CTPS2: variants seen among roughly 807,000 people sequenced by gnomAD.
The protein encoded by CTPS2 is CTP synthase 2, also known as CTP synthase II.
CTPS2 carries 19 observed loss-of-function variants against 46.8 expected under a neutral mutation model. That is an observed-to-expected ratio of 0.41 (90% CI 0.28 to 0.60). The LOEUF is 0.60. Ranked by LOEUF, CTPS2 falls within the 20% of genes least tolerant of loss-of-function variation. The probability of loss-of-function intolerance (pLI) is 0.35; values close to 1 mark genes in which losing one functional copy is unlikely to be tolerated. For synonymous variants in CTPS2, 151 were observed against 165.2 expected (o/e 0.91, Z 0.66); for missense variants, 286 against 447.6 (o/e 0.64, Z 3.26).
At chrX:16,711,137 C>T (rs1360072706) in intron 1 of CTPS2, among the ~76,000 whole-genome samples, 1 of 111,886 alleles carries the variant, frequency 8.9e-6, no homozygotes, top group Non-Finnish European at 1.9e-5. Flanking sequence ...ATTACACAGC[C>T]AGGTACGTAA....
rs1386071130 is a variant in CTPS2 at position 16,707,667 on chromosome X, TC to T, written c.-40+4667del. On this transcript the variant is annotated intron_variant, in intron 1 of 18. Coordinates refer to ENST00000359276, the MANE Select transcript of CTPS2 (RefSeq NM_175859.3). Reference sequence around the variant, plus strand: ...CTCCAGCCTGGGTGACAAAGCAAGATCCTGTCTCAAAAATAAAAAGAGAGAC... The same window carrying T: ...CTCCAGCCTGGGTGACAAAGCAAGATCTGTCTCAAAAATAAAAAGAGAGAC... Among the ~76,000 whole-genome samples, 5 of 111,179 alleles carry T rather than the reference TC, an allele frequency of 4.5e-5. No homozygotes were observed. In the South Asian group the frequency reaches 1.1e-3, roughly 25 times the overall value.
chrX:16,693,355 T>C lies in CTPS2; in HGVS notation c.555+16A>G. The C allele has an allele frequency of 1.8e-6, 2 of 1,141,047 alleles. No homozygotes were observed. The highest frequency in any genetic ancestry group is 2.4e-6 in the Non-Finnish European group (2 of 831,486). 94.0% of individuals were successfully genotyped at this position (1,141,047 alleles called of 1,213,427 possible). On this transcript the variant is annotated intron_variant, in intron 5 of 18. Coordinates refer to ENST00000359276, the MANE Select transcript of CTPS2 (RefSeq NM_175859.3). ...TTATCAAAGTTGCTGTCCACATACT[T>C]ATCTGGAAAGCCCACCTGTGGGACA...
At chrX:16,651,022 T>C in intron 13 of CTPS2, 1 of 1,206,148 alleles carries the variant, frequency 8.3e-7, no homozygotes, top group Non-Finnish European at 1.1e-6. Flanking sequence ...TACTAAAAAG[T>C]CTCCTGAGGA....
intron 14 of CTPS2, 118 bp downstream of exon 14, chrX:16,639,029 G>A (rs1224984474): frequency 5.3e-6 from 3 of 569,947 alleles, no homozygotes; most frequent in Non-Finnish European, 3.1e-6. Flanking sequence ...AGAGAATCAG[G>A]GCCCTCCGAG....
chrX:16,652,471 TAGA>T (rs908865002), intron 13 of CTPS2, among the ~76,000 whole-genome samples: 6 of 112,281 alleles, frequency 5.3e-5, no homozygotes, highest in African/African-American at 1.9e-4. Flanking sequence ...AGTTGAAATA[TAGA>T]AGAACTTGTA....
intron 13 of CTPS2, among the ~76,000 whole-genome samples, chrX:16,652,379 G>T (rs1932686679): frequency 9.0e-6 from 1 of 111,591 alleles, no homozygotes; most frequent in Non-Finnish European, 1.9e-5. Flanking sequence ...ATGACAATTG[G>T]AAAGACTTCT....
At chrX:16,631,386 G>A (rs1435602610) in intron 14 of CTPS2, among the ~76,000 whole-genome samples, 2 of 110,504 alleles carry the variant, frequency 1.8e-5, no homozygotes, top group Non-Finnish European at 3.8e-5. Flanking sequence ...AGGCGTGGTG[G>A]CATGTGGCTG....
intron 13 of CTPS2, chrX:16,651,171 T>C: frequency 2.4e-6 from 1 of 418,484 alleles, no homozygotes; most frequent in Non-Finnish European, 4.1e-6. Context: ...GCCCACTTAA[T>C]GGGACTGATG....
intron 13 of CTPS2, among the ~76,000 whole-genome samples, chrX:16,666,756 C>A (rs1190908273): frequency 1.8e-5 from 2 of 111,582 alleles, no homozygotes; most frequent in Non-Finnish European, 3.8e-5. Context: ...TGGGACCCAG[C>A]CCAGAATCCT....
At position 16,625,429 on chromosome X, in the gene CTPS2, G is replaced by A. The variant is rs150460302; in HGVS notation, c.1394-5097C>T. Among the ~76,000 whole-genome samples the A allele has an allele frequency of 6.2e-5, 7 of 112,044 alleles. No homozygotes were observed. In the East Asian group the frequency reaches 1.4e-3, roughly 23 times the overall value. ...TGTGCACTCAAATCCCTTATGGGAG[G>A]GGGAGCACACAGACGGGCAGGTGCA... On this transcript the variant is annotated intron_variant, in intron 14 of 18. Coordinates refer to ENST00000359276, the MANE Select transcript of CTPS2 (RefSeq NM_175859.3).
At chrX:16,688,392 T>A (rs1923417075) in intron 8 of CTPS2, among the ~76,000 whole-genome samples, 1 of 103,457 alleles carries the variant, frequency 9.7e-6, no homozygotes, top group Admixed American at 1.1e-4. Context: ...ACAGTGACAC[T>A]CCATCTCAAA....
intron 14 of CTPS2, among the ~76,000 whole-genome samples, chrX:16,629,848 T>C (rs1277433394): frequency 8.9e-6 from 1 of 112,443 alleles, no homozygotes; most frequent in East Asian, 2.8e-4. Flanking sequence ...GCCTCGTGCC[T>C]CTGTTCTTTC....
chrX:16,646,404 A>G (rs748628791), intron 13 of CTPS2, among the ~76,000 whole-genome samples: 1 of 112,593 alleles, frequency 8.9e-6, no homozygotes, highest in Non-Finnish European at 1.9e-5. Context: ...TTGGGTGCCT[A>G]GGTCAGCACA....
intron 1 of CTPS2, among the ~76,000 whole-genome samples, chrX:16,704,266 CTA>C (rs1015112743): frequency 3.6e-5 from 4 of 111,542 alleles, no homozygotes; most frequent in African/African-American, 1.3e-4. Context: ...CTTTCTGTGC[CTA>C]TTCCTTCATC....
chrX:16,628,025 A>G (rs1931255551), intron 14 of CTPS2, among the ~76,000 whole-genome samples: 1 of 111,563 alleles, frequency 9.0e-6, no homozygotes, highest in South Asian at 3.8e-4. Context: ...TTTGTGCAAA[A>G]TGGTGGCTGG....
intron 17 of CTPS2, among the ~76,000 whole-genome samples, chrX:16,601,332 C>T (rs1449217484): frequency 1.8e-5 from 2 of 110,898 alleles, no homozygotes; most frequent in African/African-American, 6.6e-5. Context: ...CTCTCACCTG[C>T]AATTCACCTA....
At chrX:16,674,426 G>C (rs1342109218) in intron 10 of CTPS2, among the ~76,000 whole-genome samples, 7 of 111,229 alleles carry the variant, frequency 6.3e-5, no homozygotes, top group African/African-American at 2.0e-4. Context: ...GCCTCCCAAA[G>C]TGCTGGGATT....
chrX:16,639,383 A>G, intron 13 of CTPS2, 140 bp from the exon 14 acceptor site: 1 of 515,057 alleles, frequency 1.9e-6, no homozygotes, highest in South Asian at 2.9e-5. Context: ...TCCAACGATC[A>G]TGTTCAAATA....
intron 8 of CTPS2, among the ~76,000 whole-genome samples, chrX:16,684,449 C>A (rs1478924073): frequency 9.9e-6 from 1 of 101,068 alleles, no homozygotes; most frequent in Non-Finnish European, 2.0e-5. Flanking sequence ...GCAGAGGTTG[C>A]AGTGAGCCGA....
Sources: gnomAD v4.1 joint callset for allele counts (sites outside exome capture counted in the v4.1 genomes callset) on GRCh38, gnomAD v4.1.1 for gene constraint, MANE v1.5 for transcripts, NCBI Gene and HGNC (gene_info 2026-07-23, HGNC 2026-07-21) for gene names.